The following RBL2 variants were observed in gnomAD, a reference collection of about 807,000 sequenced individuals.
RBL2 encodes the protein RB transcriptional corepressor like 2, also known as retinoblastoma-like protein 2.
Under a neutral mutation model 126.0 loss-of-function variants are expected in RBL2, and 56 were observed. The observed-to-expected ratio is 0.44, with a 90% CI of 0.36 to 0.56. The LOEUF (loss-of-function observed/expected upper bound fraction) is 0.56. Among genes scored for constraint, RBL2 ranks in the 20% least tolerant of loss-of-function variants. The pLI, the probability that RBL2 is intolerant of heterozygous loss-of-function variation, is 0.00. For synonymous variants in RBL2, 454 were observed against 478.5 expected (o/e 0.95, Z 0.67); for missense variants, 1,229 against 1,398.2 (o/e 0.88, Z 1.93).
chr16:53,437,368 G>A (rs1209383841), intron 1 of RBL2, among the ~76,000 whole-genome samples: 2 of 150,882 alleles, frequency 1.3e-5, no homozygotes, highest in African/African-American at 4.9e-5. Flanking sequence ...GGGTTTGTAA[G>A]ACAGTCTATG....
chr16:53,490,056 T>C lies in RBL2; in HGVS notation c.3250-74T>C, dbSNP rs1961351255. ...TTCCAGGGTAAACTGCTTAACTCAT[T>C]TGAGATTCTTTGACTTAATACTGAG... is the stretch of plus-strand genomic sequence containing the variant. On this transcript the variant is annotated intron_variant, in intron 21 of 21. Transcript: ENST00000262133. 6.7e-6 allele frequency: 8 copies of C among 1,192,038 alleles called. No homozygotes were observed. The East Asian group carries it at 2.0e-4, about 30-fold the overall frequency. 73.8% of individuals were successfully genotyped at this position (1,192,038 alleles called of 1,614,324 possible). A position where few individuals can be genotyped will look rare whatever the true frequency, so the allele number is the denominator to read the frequency against.
intron 3 of RBL2, among the ~76,000 whole-genome samples, chr16:53,445,051 T>C (rs1306467082): frequency 2.0e-5 from 3 of 151,948 alleles, no homozygotes; most frequent in Non-Finnish European, 4.4e-5. Flanking sequence ...TAAAAGGCCA[T>C]GTGCAGTGGC....
At chr16:53,451,603 C>T in intron 4 of RBL2, 100 bp from the exon 5 acceptor site, 1 of 1,326,208 alleles carries the variant, frequency 7.5e-7, no homozygotes. Context: ...CAATTTTGTA[C>T]AATTGTTTTG....
At chr16:53,463,561 CTTTTTT>C (rs770657237) in intron 11 of RBL2, among the ~76,000 whole-genome samples, 1 of 94,402 alleles carries the variant, frequency 1.1e-5, no homozygotes, top group Non-Finnish European at 2.0e-5. Flanking sequence ...TTTTTTTTTC[CTTTTTT>C]TTTTTTTTTT....
At position 53,470,369 on chromosome 16, in the gene RBL2, TTC is replaced by T. The variant is rs770328889; in HGVS notation, c.2246-10_2246-9del. On this transcript the variant is annotated splice_polypyrimidine_tract_variant and intron_variant, in intron 15 of 21. Coordinates refer to ENST00000262133, the MANE Select transcript of RBL2 (RefSeq NM_005611.4). ...TATCAACATTTTCTTCATGCTTTTTTTCTCTGTCACTAGGTATTGCCAATGAA... is the reference window on the plus strand; with the variant it reads ...TATCAACATTTTCTTCATGCTTTTTTTCTGTCACTAGGTATTGCCAATGAA... 1.2e-6 allele frequency: 2 copies of T among 1,604,770 alleles called. No individual in the cohort carries two copies. The highest frequency in any genetic ancestry group is 1.3e-5 in the African/African-American group (1 of 74,788).
At chr16:53,460,440 T>A (rs1182595986) in intron 9 of RBL2, among the ~76,000 whole-genome samples, 1 of 152,244 alleles carries the variant, frequency 6.6e-6, no homozygotes, top group Non-Finnish European at 1.5e-5. Flanking sequence ...AACTTGATTG[T>A]GATTTATACT....
chr16:53,478,762 C>T (rs1960828819), intron 17 of RBL2, among the ~76,000 whole-genome samples: 1 of 152,146 alleles, frequency 6.6e-6, no homozygotes. Flanking sequence ...GCTGGGATTA[C>T]AGGCATGTGC....
At chr16:53,480,531 C>T in intron 19 of RBL2, 36 bp from the exon 20 acceptor site, 1 of 1,574,612 alleles carries the variant, frequency 6.4e-7, no homozygotes, top group Non-Finnish European at 8.7e-7. Context: ...ATATTAGCAG[C>T]CTTTGTACTG....
rs558958436 is a variant in RBL2 at position 53,434,599 on chromosome 16, C to A, written c.43C>A (p.Pro15Thr). ...GDQSPPPPPP[P>T]PAAAASDEEE... ...CCAGTCGCCACCGCCCCCGCCTCCCCCTCCGGCGGCGGCAGCCTCGGATGA... is the reference window on the plus strand; with the variant it reads ...CCAGTCGCCACCGCCCCCGCCTCCCACTCCGGCGGCGGCAGCCTCGGATGA... Residue 15 changes from proline (P) to threonine (T), a missense_variant, in exon 1 of 22, where the codon CCT (proline) becomes ACT (threonine). Coordinates refer to ENST00000262133, the MANE Select transcript of RBL2 (RefSeq NM_005611.4). 3.9e-6 allele frequency: 6 copies of A among 1,549,888 alleles called. No homozygotes were observed. Among genetic ancestry groups the A allele is most frequent in the Admixed American group, 3.7e-5 (2 of 53,912 alleles).
intron 9 of RBL2, among the ~76,000 whole-genome samples, chr16:53,460,968 GA>G (rs2058213784): frequency 6.6e-6 from 1 of 152,028 alleles, no homozygotes. Context: ...TCGTTGGCGG[GA>G]AAAAAATGTA....
intron 11 of RBL2, among the ~76,000 whole-genome samples, chr16:53,463,768 T>C (rs1035841607): frequency 7.2e-5 from 11 of 151,940 alleles, no homozygotes; most frequent in Non-Finnish European, 7.4e-5. Flanking sequence ...GGTTTCACCA[T>C]GTTGGTCAGG....
chr16:53,442,551 A>T (rs1316427934), intron 2 of RBL2, 107 bp from the exon 3 acceptor site: 7 of 842,420 alleles, frequency 8.3e-6, no homozygotes, highest in Admixed American at 5.6e-5. Flanking sequence ...CACTGTCTAA[A>T]AGTAATATAA....
intron 11 of RBL2, among the ~76,000 whole-genome samples, chr16:53,463,637 C>T (rs1364973356): frequency 7.2e-6 from 1 of 138,638 alleles, no homozygotes; most frequent in African/African-American, 2.7e-5. Context: ...GGTGCAACGT[C>T]GGCTTACTGC....
At chr16:53,443,241 T>G (rs2058032434) in intron 3 of RBL2, 1 of 153,706 alleles carries the variant, frequency 6.5e-6, no homozygotes, top group Admixed American at 6.5e-5. Context: ...TATCTGTATC[T>G]GTATCTGGAT....
In RBL2 at chr16:53,479,075, G is replaced by A. The variant is rs920056274; in HGVS notation, c.2704-79G>A. ...TATATAATTTTCACCCCTTTTACTG[G>A]GCAGCAGGTTCACAGAGCTCCTCAC... On this transcript the variant is annotated intron_variant, in intron 17 of 21. Transcript: ENST00000262133. 4.4e-6 allele frequency: 5 copies of A among 1,133,824 alleles called. No homozygotes were observed. The African/African-American group carries it at 7.7e-5, about 18-fold the overall frequency. 70.2% of individuals were successfully genotyped at this position (1,133,824 alleles called of 1,614,324 possible).
intron 20 of RBL2, 44 bp from the exon 21 acceptor site, chr16:53,481,627 A>C: frequency 7.0e-7 from 1 of 1,427,684 alleles, no homozygotes; most frequent in Non-Finnish European, 9.4e-7. Context: ...AAAAATAATT[A>C]TAAATTTTTT....
At position 53,451,816 on chromosome 16, in the gene RBL2, A is replaced by T; in HGVS notation, c.751A>T (p.Asn251Tyr). 6.2e-7 allele frequency: 1 copy of T among 1,613,754 alleles called. No homozygotes were observed. Among genetic ancestry groups the T allele is most frequent in the South Asian group, 1.1e-5 (1 of 91,080 alleles). ...LQCSNRKELV[N>Y]PNFKGLSEDF... ...GTGTTCTAATCGTAAAGAACTTGTG[A>T]ACCCTAATTTTAAAGGTAGGTTTGT... The change falls in exon 5 of 22, where the codon AAC becomes TAC. Residue 251 changes from asparagine to tyrosine, a missense_variant. Transcript: ENST00000262133.
Position 53,470,475 on chromosome 16 carries a change from C to T in RBL2, c.2338C>T (p.Leu780Phe), listed in dbSNP as rs1234422997. 12 of 1,614,080 alleles carry T rather than the reference C, an allele frequency of 7.4e-6. No homozygotes were observed. The highest frequency in any genetic ancestry group is 2.2e-5 in the East Asian group (1 of 44,894). ...AGCTGTGACAGGCTCCATCCAGCCC[C>T]TCAGTGCTCAGGCCCTGGCTGGAAG... Reference protein sequence around the residue: ...AQAVTGSIQPLSAQALAGSLS... With the variant: ...AQAVTGSIQPFSAQALAGSLS... Residue 780 changes from leucine (L) to phenylalanine (F), a missense_variant, in exon 16 of 22, where the codon CTC becomes TTC. Leu to Phe is a conservative substitution (Grantham distance 22). Transcript: ENST00000262133.
chr16:53,435,616 ATTGT>A (rs1405831668), intron 1 of RBL2: 12 of 1,272,980 alleles, frequency 9.4e-6, no homozygotes, highest in Non-Finnish European at 1.2e-5. Flanking sequence ...GGAAGTACGG[ATTGT>A]TTATCAGCTG....
Sources: allele counts gnomAD v4.1 joint callset (sites outside exome capture counted in the v4.1 genomes callset), GRCh38; gene constraint gnomAD v4.1.1; transcripts MANE v1.5; gene names NCBI Gene and HGNC (gene_info 2026-07-23, HGNC 2026-07-21).